Variants in CAPN7 observed in about 807,000 individuals in gnomAD.
CAPN7 encodes the protein calpain 7.
CAPN7 carries 72 observed loss-of-function variants against 115.2 expected under a neutral mutation model. That is an observed-to-expected ratio of 0.63 (90% confidence interval 0.52 to 0.76). CAPN7 has a LOEUF of 0.76. Among genes scored for constraint, CAPN7 ranks in the 30% least tolerant of loss-of-function variants. The pLI, the probability that CAPN7 is intolerant of heterozygous loss-of-function variation, is 0.00. For synonymous variants in CAPN7, 344 were observed against 322.3 expected (o/e 1.07, Z -0.72); for missense variants, 905 against 971.5 (o/e 0.93, Z 0.91).
chr3:15,220,402 T>G (rs1241665273), intron 4 of CAPN7, among the ~76,000 whole-genome samples: 1 of 152,226 alleles, frequency 6.6e-6, no homozygotes, highest in Non-Finnish European at 1.5e-5. Context: ...GAATAACTTC[T>G]GTTGTACATT....
chr3:15,210,666 C>G, intron 1 of CAPN7: 1 of 438,998 alleles, frequency 2.3e-6, no homozygotes, highest in Non-Finnish European at 4.0e-6. Flanking sequence ...CCGATCACAG[C>G]TCACTGCAGC....
intron 5 of CAPN7, 74 bp downstream of exon 5, chr3:15,221,055 T>C: frequency 1.7e-6 from 2 of 1,176,940 alleles, no homozygotes; most frequent in Non-Finnish European, 2.5e-6. Context: ...TCATTAGGTT[T>C]GCTGAATTGT....
At chr3:15,224,540 T>C (rs1390479653) in intron 6 of CAPN7, among the ~76,000 whole-genome samples, 1 of 152,064 alleles carries the variant, frequency 6.6e-6, no homozygotes, top group Non-Finnish European at 1.5e-5. Context: ...CCCGAAGTGC[T>C]GGGATTACAG....
rs375270615 is a variant in CAPN7, at chr3:15,218,598, A to G, written c.437+58A>G. On this transcript the variant is annotated intron_variant, in intron 4 of 20. Transcript: ENST00000253693. ...ATGGCACTTAGTGTTATTTAAACAA[A>G]TTTATCTAAATGTGTTGTAAAGGCT... The G allele has an allele frequency of 1.1e-4, 130 of 1,190,554 alleles. No homozygotes were observed. The African/African-American group carries it at 1.7e-3, about 16-fold the overall frequency. 73.7% of individuals were successfully genotyped at this position (1,190,554 alleles called of 1,614,324 possible).
chr3:15,221,512 A>G lies in CAPN7; in HGVS notation c.638+531A>G, dbSNP rs548987386. The stretch of plus-strand genomic sequence containing the variant: ...CCGGCTTTAGTTCCAGTATATTTTA[A>G]TATTAGCGTTTTTGCTAGACATAAT... On this transcript the variant is annotated intron_variant, in intron 5 of 20. Transcript: ENST00000253693. 3.9e-5 allele frequency among the ~76,000 whole-genome samples: 6 copies of G among 152,026 alleles called. No individual in the cohort carries two copies. The South Asian group carries it at 1.2e-3, about 32-fold the overall frequency.
intron 5 of CAPN7, among the ~76,000 whole-genome samples, chr3:15,221,596 A>C (rs924062068): frequency 6.6e-6 from 1 of 152,106 alleles, no homozygotes; most frequent in Non-Finnish European, 1.5e-5. Context: ...TTAAGGAGCA[A>C]AATGAGCTGT....
intron 1 of CAPN7, among the ~76,000 whole-genome samples, chr3:15,209,550 G>C (rs2044820285): frequency 1.3e-5 from 2 of 151,984 alleles, no homozygotes; most frequent in Non-Finnish European, 2.9e-5. Flanking sequence ...TATAAACTCT[G>C]GTCACCCTGT....
intron 5 of CAPN7, among the ~76,000 whole-genome samples, chr3:15,222,866 A>C (rs551106511): frequency 1.3e-5 from 2 of 152,356 alleles, no homozygotes; most frequent in South Asian, 4.1e-4. Context: ...ATTGTTACCT[A>C]AAGACTAAAT....
intron 16 of CAPN7, among the ~76,000 whole-genome samples, chr3:15,244,357 A>C (rs1347943128): frequency 1.3e-5 from 2 of 152,052 alleles, no homozygotes; most frequent in African/African-American, 4.8e-5. Flanking sequence ...ATGTATAGTG[A>C]TTTTGCCTTT....
intron 4 of CAPN7, among the ~76,000 whole-genome samples, chr3:15,219,975 C>T (rs1374614929): frequency 1.3e-5 from 2 of 152,064 alleles, no homozygotes; most frequent in Admixed American, 6.5e-5. Flanking sequence ...CTGAGGTGGA[C>T]GAATCACCTG....
At chr3:15,213,783 C>G (rs1250959882) in intron 2 of CAPN7, among the ~76,000 whole-genome samples, 1 of 151,932 alleles carries the variant, frequency 6.6e-6, no homozygotes, top group Non-Finnish European at 1.5e-5. Flanking sequence ...GAAATAAATT[C>G]TAAACATTGA....
At chr3:15,224,136 A>G (rs1044787656) in intron 6 of CAPN7, among the ~76,000 whole-genome samples, 9 of 152,238 alleles carry the variant, frequency 5.9e-5, no homozygotes, top group African/African-American at 1.7e-4. Flanking sequence ...CAAACTGGCA[A>G]TATGGGAATG....
At position 15,251,172 on chromosome 3, in the gene CAPN7, T is replaced by A. The variant is rs780121181; in HGVS notation, c.2354T>A (p.Ile785Asn). The change falls in exon 21 of 21, where the codon ATT (isoleucine) becomes AAT (asparagine). Residue 785 changes from isoleucine (I) to asparagine (N), a missense_variant. Ile to Asn is a moderately radical substitution (Grantham distance 149). Coordinates refer to ENST00000253693, the MANE Select transcript of CAPN7 (RefSeq NM_014296.3). The stretch of plus-strand genomic sequence containing the variant: ...ATACCTTCTGGGATCTTCAATATCA[T>A]TCCTAGTACCTTTTTGCCTAAACAA... ...ENIPSGIFNI[I>N]PSTFLPKQEG... 2 of 1,608,164 alleles carry A rather than the reference T, an allele frequency of 1.2e-6. No homozygotes were observed. Among genetic ancestry groups the A allele is most frequent in the South Asian group, 2.2e-5 (2 of 90,686 alleles).
intron 2 of CAPN7, among the ~76,000 whole-genome samples, chr3:15,215,484 T>A (rs2045198633): frequency 6.6e-6 from 1 of 152,198 alleles, no homozygotes; most frequent in Admixed American, 6.5e-5. Context: ...TCTTACCCAT[T>A]AGCAGTCAAT....
At chr3:15,236,659 A>G (rs1245348730) in intron 12 of CAPN7, among the ~76,000 whole-genome samples, 3 of 152,248 alleles carry the variant, frequency 2.0e-5, no homozygotes, top group South Asian at 2.1e-4. Context: ...ACAGCCTACT[A>G]TACACCCAAG....
chr3:15,231,137 G>T (rs1028758492), intron 9 of CAPN7, among the ~76,000 whole-genome samples: 1 of 152,134 alleles, frequency 6.6e-6, no homozygotes, highest in Non-Finnish European at 1.5e-5. Context: ...CAGAATCTGC[G>T]TTTCACCTAG....
chr3:15,229,979 A>C (rs913146541), intron 8 of CAPN7, among the ~76,000 whole-genome samples: 4 of 152,142 alleles, frequency 2.6e-5, no homozygotes, highest in Non-Finnish European at 5.9e-5. Context: ...TTGCCATATA[A>C]GTGGTCCAAA....
chr3:15,216,779 T>C (rs1693627572), intron 2 of CAPN7, among the ~76,000 whole-genome samples: 1 of 152,182 alleles, frequency 6.6e-6, no homozygotes, highest in Non-Finnish European at 1.5e-5. Flanking sequence ...ATGAGGAGAA[T>C]GCCTGTGTTT....
chr3:15,214,563 G>GA (rs2045136057), intron 2 of CAPN7, among the ~76,000 whole-genome samples: 2 of 152,016 alleles, frequency 1.3e-5, no homozygotes, highest in Non-Finnish European at 2.9e-5. Flanking sequence ...TACAAAAATT[G>GA]AAAAAATTTG....
Sources: gnomAD v4.1 joint callset for allele counts (sites outside exome capture counted in the v4.1 genomes callset) on GRCh38, gnomAD v4.1.1 for gene constraint, MANE v1.5 for transcripts, NCBI Gene and HGNC (gene_info 2026-07-23, HGNC 2026-07-21) for gene names.